The following DIS3 variants were observed in gnomAD, a reference collection of about 807,000 sequenced individuals.
The protein encoded by DIS3 is DIS3 exosome endoribonuclease and 3'-5' exoribonuclease, also known as exosome complex exonuclease RRP44.
DIS3 carries 103 observed loss-of-function variants against 113.0 expected under a neutral mutation model. That is an observed-to-expected ratio of 0.91 (90% CI 0.78 to 1.07). DIS3 has a LOEUF of 1.07. Ranked by LOEUF, DIS3 falls within the 50% of genes least tolerant of loss-of-function variation. DIS3 has a pLI of 0.00. For missense variants in DIS3, 1,121 were observed against 1,167.1 expected (o/e 0.96, Z 0.58); for synonymous variants, 402 against 394.3 (o/e 1.02, Z -0.23).
rs777319081 is a variant in DIS3 at position 72,781,613 on chromosome 13, G to A, written c.220C>T (p.Leu74=). ...HYLLPDTNVL[L]HQIDVLEDPA... The stretch of plus-strand genomic sequence containing the variant: ...TTCGCCCGCCCACGCACCTGGTGCA[G>A]TAACACATTAGTGTCGGGCAGCAAG... Residue 74 remains leucine, a synonymous_variant, in exon 1 of 21, where the codon CTG becomes TTG. Transcript: ENST00000377767. The A allele has an allele frequency of 5.2e-5, 79 of 1,522,284 alleles. No homozygotes were observed. The African/African-American group carries it at 9.9e-4, about 19-fold the overall frequency. The allele number at this position is 1,522,284 out of a possible 1,614,324, so 94.3% of individuals were successfully genotyped here.
rs765172409 is a variant in DIS3 at position 72,773,911 on chromosome 13, A to AT, written c.1101+34dup. 1.3e-5 allele frequency: 20 copies of AT among 1,586,692 alleles called. No individual in the cohort carries two copies. The Admixed American group carries it at 2.4e-4, about 19-fold the overall frequency. On this transcript the variant is annotated intron_variant, in intron 7 of 20. Transcript: ENST00000377767. ...CTATAAGTTCTATTAAATGTTTATC[A>AT]TTTTTTTATTACATAGTAAATGCTC...
chr13:72,766,031 A>C lies in DIS3; in HGVS notation c.1911T>G (p.Val637=), dbSNP rs904634970. ...GAGTTTCACTGTCCATGTGGAATCGAACTTCAGGAGAGGATAGAGTCAAAG... is the reference window on the plus strand; with the variant it reads ...GAGTTTCACTGTCCATGTGGAATCGCACTTCAGGAGAGGATAGAGTCAAAG... ...KGALTLSSPE[V]RFHMDSETHD... The change falls in exon 15 of 21, where the codon GTT becomes GTG. Residue 637 remains valine, a synonymous_variant. Coordinates refer to ENST00000377767, the MANE Select transcript of DIS3 (RefSeq NM_014953.5). The C allele has an allele frequency of 1.9e-6, 3 of 1,611,842 alleles. No individual in the cohort carries two copies. Among genetic ancestry groups the C allele is most frequent in the African/African-American group, 1.3e-5 (1 of 74,896 alleles).
chr13:72,767,795 C>T (rs555789174), intron 14 of DIS3, among the ~76,000 whole-genome samples: 112 of 152,180 alleles, frequency 7.4e-4, no homozygotes, highest in African/African-American at 2.6e-3. Context: ...ATGTACAATC[C>T]GCACTCACCA....
rs2033326958 is a variant in DIS3 at position 72,753,201 on chromosome 13, T to C, written c.*6594A>G. On this transcript the variant is annotated 3_prime_UTR_variant, in exon 21 of 21. Transcript: ENST00000377767. ...TGCACTGAAACAGTGTATCTTAGGA[T>C]GCTACAATTTTTATTAACATGAAAA... 1 of 152,524 alleles carries C rather than the reference T, an allele frequency of 6.6e-6. No individual in the cohort carries two copies. Among genetic ancestry groups the C allele is most frequent in the African/African-American group, 2.4e-5 (1 of 41,470 alleles). 9.4% of individuals were successfully genotyped at this position (152,524 alleles called of 1,614,324 possible). A position where few individuals can be genotyped will look rare whatever the true frequency, so the allele number is the denominator to read the frequency against.
intron 19 of DIS3, 40 bp downstream of exon 19, chr13:72,761,323 T>G: frequency 6.4e-7 from 1 of 1,563,632 alleles, no homozygotes; most frequent in Non-Finnish European, 8.6e-7. Flanking sequence ...AAAGAAAAAG[T>G]GCCCCCCGGA....
In DIS3 at chr13:72,758,866, C is replaced by G. The variant is rs545604001; in HGVS notation, c.*929G>C. ...GCCAAGTAAAATGTTTTAAGGCAAC[C>G]CTATCCCAAAATATTCCTGAAGATA... On this transcript the variant is annotated 3_prime_UTR_variant, in exon 21 of 21. Coordinates refer to ENST00000377767, the MANE Select transcript of DIS3 (RefSeq NM_014953.5). The G allele has an allele frequency of 5.4e-6, 1 of 185,948 alleles. No individual in the cohort carries two copies. Among genetic ancestry groups the G allele is most frequent in the East Asian group, 8.7e-5 (1 of 11,512 alleles). The allele number at this position is 185,948 out of a possible 1,614,324, so 11.5% of individuals were successfully genotyped here.
At chr13:72,772,394 T>C (rs1593846416) in intron 9 of DIS3, 119 bp from the exon 10 acceptor site, 1 of 799,842 alleles carries the variant, frequency 1.3e-6, no homozygotes, top group East Asian at 2.7e-5. Flanking sequence ...ATTTTCTTGA[T>C]GACAACCACA....
At position 72,760,588 on chromosome 13, in the gene DIS3, T is replaced by A; in HGVS notation, c.2734A>T (p.Met912Leu). The change falls in exon 20 of 21, where the codon ATG becomes TTG. Residue 912 changes from methionine to leucine, a missense_variant. Physicochemically the swap from Met to Leu is conservative, Grantham distance 15. Around this residue, in one of 3 missense-constraint regions of DIS3, gnomAD observed 861 missense variants for 915.5 expected, o/e 0.94. Coordinates refer to ENST00000377767, the MANE Select transcript of DIS3 (RefSeq NM_014953.5). ...HVFDKVKVKI[M>L]LDSSNLQHQK... Reference sequence around the variant, plus strand: ...TGTTGAAGATTAGATGAGTCTAACATGATTTTCACTTTAACTTTATCAAAT... The same window carrying A: ...TGTTGAAGATTAGATGAGTCTAACAAGATTTTCACTTTAACTTTATCAAAT... 15 of 1,613,614 alleles carry A rather than the reference T, an allele frequency of 9.3e-6. No homozygotes were observed. Among genetic ancestry groups the A allele is most frequent in the Non-Finnish European group, 1.3e-5 (15 of 1,179,644 alleles).
At chr13:72,763,153 T>C (rs1392412143) in intron 16 of DIS3, among the ~76,000 whole-genome samples, 1 of 151,878 alleles carries the variant, frequency 6.6e-6, no homozygotes, top group East Asian at 1.9e-4. Flanking sequence ...TACAAAAAAT[T>C]AGCCACTCAT....
intron 5 of DIS3, 45 bp downstream of exon 5, chr13:72,775,880 T>C (rs746949969): frequency 6.2e-6 from 9 of 1,455,588 alleles, no homozygotes; most frequent in African/African-American, 1.4e-5. Context: ...ATATATAAAA[T>C]ATCATCTTTA....
rs1328609908 is a variant in DIS3 at position 72,758,278 on chromosome 13, G to A, written c.*1517C>T. ...GGATACCATAGGGTATACCATCTAG[G>A]TTTGTGTAACTACATCATGATTTTC... On this transcript the variant is annotated 3_prime_UTR_variant, in exon 21 of 21. Transcript: ENST00000377767. 5.5e-6 allele frequency: 1 copy of A among 181,872 alleles called. No individual in the cohort carries two copies. Among genetic ancestry groups the A allele is most frequent in the Non-Finnish European group, 1.2e-5 (1 of 85,276 alleles). The allele number at this position is 181,872 out of a possible 1,614,324, so 11.3% of individuals were successfully genotyped here.
rs772335061 is a variant in DIS3 at position 72,773,819 on chromosome 13, T to C, written c.1104A>G (p.Ser368=). ...GMLSKSDIKE[S]RRHLFTPADK... is the part of the protein sequence containing the mutation. ...CAGCAGGTGTAAAGAGATGTCTTCT[T>C]GACTAGCAAAAATTAGGAATAAAGA... is the stretch of plus-strand genomic sequence containing the variant. Residue 368 remains serine (S), a splice_region_variant and synonymous_variant, in exon 8 of 21, where the codon TCA becomes TCG. Transcript: ENST00000377767. 8 of 1,604,058 alleles carry C rather than the reference T, an allele frequency of 5.0e-6. No homozygotes were observed. The highest frequency in any genetic ancestry group is 6.8e-6 in the Non-Finnish European group (8 of 1,177,704).
Position 72,771,956 on chromosome 13 carries a change from G to C in DIS3, c.1504-60C>G, listed in dbSNP as rs550331787. 483 of 1,536,346 alleles carry C rather than the reference G, an allele frequency of 3.1e-4. 1 individual carries two copies. The African/African-American group carries it at 6.0e-3, about 19-fold the overall frequency. On this transcript the variant is annotated intron_variant, in intron 10 of 20. Transcript: ENST00000377767. ...CTTGACTGGGTAAATGTACCTAATG[G>C]AGTTTTAATAAGATAAAGTTTAGCT...
chr13:72,763,480 C>T lies in DIS3; in HGVS notation c.2098G>A (p.Glu700Lys), dbSNP rs754638163. The T allele has an allele frequency of 1.2e-6, 2 of 1,613,198 alleles. No individual in the cohort carries two copies. The highest frequency in any genetic ancestry group is 2.2e-5 in the East Asian group (1 of 44,852). The change falls in exon 16 of 21, where the codon GAA becomes AAA. Residue 700 changes from glutamate (E) to lysine (K), a missense_variant. By Grantham distance (56) the Glu-to-Lys change is moderately conservative. This residue lies in a region of DIS3 where 861 missense variants were observed against 915.5 expected (regional missense o/e 0.94). Coordinates refer to ENST00000377767, the MANE Select transcript of DIS3 (RefSeq NM_014953.5). ...KHPAPPPSNY[E>K]ILVKAARSRN... ...GACCTGGCTGCCTTAACAAGAATTT[C>T]ATAATTTGATGGAGGTGGAGCAGGA... is the stretch of plus-strand genomic sequence containing the variant.
intron 14 of DIS3, among the ~76,000 whole-genome samples, chr13:72,766,565 C>T (rs544815028): frequency 1.3e-5 from 2 of 152,158 alleles, no homozygotes; most frequent in African/African-American, 4.8e-5. Context: ...CAACTGATAA[C>T]CTAGTATCAC....
Position 72,755,088 on chromosome 13 carries a change from A to AT in DIS3, c.*4706dup. ...CTTTTAGGTTTTAAAAACAGTCCCGATAATTGCATCCTCCAGTGGTCCTAC... is the reference window on the plus strand; with the variant it reads ...CTTTTAGGTTTTAAAAACAGTCCCGATTAATTGCATCCTCCAGTGGTCCTAC... On this transcript the variant is annotated 3_prime_UTR_variant, in exon 21 of 21. Transcript: ENST00000377767. The AT allele has an allele frequency of 2.8e-6, 4 of 1,418,622 alleles. No individual in the cohort carries two copies. The highest frequency in any genetic ancestry group is 4.0e-6 in the Non-Finnish European group (4 of 1,005,936). 87.9% of individuals were successfully genotyped at this position (1,418,622 alleles called of 1,614,324 possible). A position where few individuals can be genotyped will look rare whatever the true frequency, so the allele number is the denominator to read the frequency against.
chr13:72,760,454 T>A, intron 20 of DIS3, 75 bp downstream of exon 20: 1 of 1,575,486 alleles, frequency 6.3e-7, no homozygotes, highest in Non-Finnish European at 8.7e-7. Flanking sequence ...TAAACAGAAA[T>A]AACTACGTCC....
At chr13:72,777,589 T>C in intron 3 of DIS3, 96 bp from the exon 4 acceptor site, 1 of 1,023,546 alleles carries the variant, frequency 9.8e-7, no homozygotes, top group South Asian at 1.4e-5. Flanking sequence ...CACGTCATTC[T>C]TTCATTCATT....
chr13:72,773,630 A>G, intron 8 of DIS3, 54 bp downstream of exon 8: 4 of 1,549,998 alleles, frequency 2.6e-6, no homozygotes, highest in African/African-American at 2.8e-5. Flanking sequence ...CAGAAATACT[A>G]TTCACAAAAT....
Sources: allele counts gnomAD v4.1 joint callset (sites outside exome capture counted in the v4.1 genomes callset), GRCh38; gene constraint gnomAD v4.1.1; regional missense constraint gnomAD v4.1.1; transcripts MANE v1.5; gene names NCBI Gene and HGNC (gene_info 2026-07-23, HGNC 2026-07-21).